The following NUP210L variants were observed in gnomAD, a reference collection of about 807,000 sequenced individuals.
The protein encoded by NUP210L is nucleoporin 210 like.
In NUP210L, 74 loss-of-function variants were observed where a neutral mutation model predicts 208.5. The observed-to-expected ratio is 0.35, with a 90% CI of 0.29 to 0.43. The LOEUF (loss-of-function observed/expected upper bound fraction) is 0.43, where lower values mean the gene tolerates loss of function less well. Among genes scored for constraint, NUP210L ranks in the 20% least tolerant of loss-of-function variants. The pLI, the probability that NUP210L is intolerant of heterozygous loss-of-function variation, is 1.00. For missense variants in NUP210L, 1,843 were observed against 2,289.4 expected (o/e 0.81, Z 3.98); for synonymous variants, 780 against 816.9 (o/e 0.95, Z 0.77).
intron 10 of NUP210L, among the ~76,000 whole-genome samples, chr1:154,119,764 G>A (rs1423635859): frequency 6.6e-6 from 1 of 152,152 alleles, no homozygotes; most frequent in Non-Finnish European, 1.5e-5. Context: ...TGGTGTATAT[G>A]TGCCACATTT....
intron 14 of NUP210L, among the ~76,000 whole-genome samples, chr1:154,098,541 C>T (rs1476098466): frequency 1.3e-5 from 2 of 152,278 alleles, no homozygotes; most frequent in East Asian, 3.9e-4. Context: ...CTCTCTGCTG[C>T]TGGTCATCCC....
At chr1:154,021,390 G>A (rs1651553628) in intron 32 of NUP210L, among the ~76,000 whole-genome samples, 1 of 152,008 alleles carries the variant, frequency 6.6e-6, no homozygotes, top group Non-Finnish European at 1.5e-5. Context: ...GGGAGGCTAA[G>A]GCAGGAGACT....
chr1:154,129,939 T>C (rs911297255), intron 7 of NUP210L, among the ~76,000 whole-genome samples: 1 of 152,254 alleles, frequency 6.6e-6, no homozygotes, highest in Non-Finnish European at 1.5e-5. Context: ...GGCAGAAATA[T>C]AAATTTATTC....
At chr1:154,054,811 G>A in exon 24 of NUP210L, 17 of 1,613,222 alleles carry the variant, frequency 1.1e-5, no homozygotes, top group Non-Finnish European at 1.4e-5. Flanking sequence ...TTCTCTGGAA[G>A]AAGTCTGAAT....
In NUP210L at chr1:154,143,505, C is replaced by T. The variant is rs1022300659; in HGVS notation, c.413G>A (p.Arg138Gln). ...TGGCGAATCATCTACATAAAGTTCC[C>T]GGGCCCGAGATACAATTTCAATGCT... Residue 138 changes from arginine to glutamine, a missense_variant, in exon 3 of 40, where the codon CGG becomes CAG. Around this residue, in one of 5 missense-constraint regions of NUP210L, gnomAD observed 542 missense variants for 606.4 expected, o/e 0.89. Coordinates refer to ENST00000368559, the Ensembl canonical transcript of NUP210L. The T allele has an allele frequency of 1.1e-5, 18 of 1,613,776 alleles. No homozygotes were observed. The Middle Eastern group carries it at 6.6e-4, about 59-fold the overall frequency.
At chr1:154,071,627 C>CTTTT (rs893742878) in intron 16 of NUP210L, among the ~76,000 whole-genome samples, 18 of 99,796 alleles carry the variant, frequency 1.8e-4, no homozygotes, top group East Asian at 3.4e-4. Flanking sequence ...CAATTCATTC[C>CTTTT]TTTTTTTTTT....
intron 35 of NUP210L, among the ~76,000 whole-genome samples, chr1:154,006,965 TA>T (rs1296055226): frequency 2.5e-4 from 29 of 115,806 alleles, no homozygotes; most frequent in East Asian, 1.8e-3. Context: ...TATATATATA[TA>T]TTTTTTTTTT....
At chr1:154,152,744 C>T (rs774024955) in exon 2 of NUP210L, 32 of 1,613,672 alleles carry the variant, frequency 2.0e-5, no homozygotes, top group African/African-American at 4.0e-5. Flanking sequence ...ACCTATTTCT[C>T]GAGCAAGAAT....
chr1:154,117,538 T>C (rs1657390213), intron 12 of NUP210L, among the ~76,000 whole-genome samples, 187 bp downstream of exon 12: 1 of 152,050 alleles, frequency 6.6e-6, no homozygotes, highest in Non-Finnish European at 1.5e-5. Flanking sequence ...TGAGCTGAGA[T>C]CTTGCCACTG....
intron 27 of NUP210L, among the ~76,000 whole-genome samples, chr1:154,032,993 G>GAAAAGA (rs769771404): frequency 5.1e-4 from 66 of 130,148 alleles, no homozygotes; most frequent in Admixed American, 1.6e-3. Flanking sequence ...GAAAAGAAAA[G>GAAAAGA]AAAGAAAGAA....
At chr1:154,039,633 C>T (rs1241081092) in intron 27 of NUP210L, among the ~76,000 whole-genome samples, 1 of 152,160 alleles carries the variant, frequency 6.6e-6, no homozygotes, top group Non-Finnish European at 1.5e-5. Flanking sequence ...TGTCATGCCA[C>T]TCTCTCTTGG....
chr1:154,130,576 A>ATT (rs765115829), intron 7 of NUP210L, among the ~76,000 whole-genome samples: 220 of 98,868 alleles, frequency 2.2e-3, no homozygotes, highest in Non-Finnish European at 2.6e-3. Context: ...CCTGGCCCCA[A>ATT]TTTTTTTTTT....
At chr1:154,113,349 C>G (rs767245584) in intron 12 of NUP210L, among the ~76,000 whole-genome samples, 11 of 151,548 alleles carry the variant, frequency 7.3e-5, no homozygotes, top group Non-Finnish European at 1.0e-4. Context: ...AACACACCCA[C>G]AAGGTGCTAA....
chr1:154,074,520 A>C (rs1428802724), intron 16 of NUP210L, among the ~76,000 whole-genome samples: 5 of 128,246 alleles, frequency 3.9e-5, no homozygotes, highest in Admixed American at 8.8e-5. Context: ...ACGGAGTCTC[A>C]CTCTGTCACC....
chr1:154,057,815 T>G (rs997219034), intron 22 of NUP210L, among the ~76,000 whole-genome samples: 12 of 151,372 alleles, frequency 7.9e-5, no homozygotes, highest in African/African-American at 2.7e-4. Flanking sequence ...TATATTATAG[T>G]GTGCTAGAGC....
intron 23 of NUP210L, among the ~76,000 whole-genome samples, chr1:154,055,126 T>C (rs868366131): frequency 2.2e-4 from 4 of 18,448 alleles, no homozygotes; most frequent in Non-Finnish European, 4.4e-4. Context: ...TTCTTTCTTT[T>C]CTTTCTTTCT....
At chr1:154,019,829 G>T (rs1223879855) in intron 32 of NUP210L, among the ~76,000 whole-genome samples, 1 of 152,078 alleles carries the variant, frequency 6.6e-6, no homozygotes, top group African/African-American at 2.4e-5. Context: ...GAGAGGCTGA[G>T]GCAGTAGAAC....
intron 17 of NUP210L, 40 bp downstream of exon 17, chr1:154,070,233 C>A: frequency 2.1e-6 from 3 of 1,437,598 alleles, no homozygotes; most frequent in South Asian, 1.4e-5. Flanking sequence ...AACAAAAAAA[C>A]ACTCAGGTAT....
chr1:154,024,929 T>A (rs1209468422), intron 30 of NUP210L, among the ~76,000 whole-genome samples: 1 of 139,544 alleles, frequency 7.2e-6, no homozygotes, highest in Non-Finnish European at 1.6e-5. Flanking sequence ...TCTGTTTTTT[T>A]TTTTTTTTTT....
Sources: gnomAD v4.1 joint callset for allele counts (sites outside exome capture counted in the v4.1 genomes callset) on GRCh38, gnomAD v4.1.1 for gene constraint, gnomAD v4.1.1 regional missense constraint, MANE v1.5 for transcripts, NCBI Gene and HGNC (gene_info 2026-07-23, HGNC 2026-07-21) for gene names.